Variants in PTPRK observed in about 807,000 individuals in gnomAD.
PTPRK encodes the protein receptor-type tyrosine-protein phosphatase kappa.
A neutral mutation model predicts 178.0 loss-of-function variants in PTPRK; 75 were observed. The observed-to-expected ratio is 0.42, with a 90% CI of 0.35 to 0.51. PTPRK has a LOEUF of 0.51. PTPRK is among the 20% of genes least tolerant of loss of function. The probability of loss-of-function intolerance (pLI) is 0.02; values close to 1 mark genes in which losing one functional copy is unlikely to be tolerated. For missense variants in PTPRK, 1,441 were observed against 1,797.8 expected, an observed-to-expected ratio of 0.80 and a Z score of 3.59; for synonymous variants, 637 against 620.6, an observed-to-expected ratio of 1.03 and a Z score of -0.39.
At chr6:128,301,071 T>C (rs555190887) in intron 3 of PTPRK, among the ~76,000 whole-genome samples, 1 of 152,154 alleles carries the variant, frequency 6.6e-6, no homozygotes, top group Admixed American at 6.6e-5. Flanking sequence ...TGACCCATTG[T>C]TACATTTTAA....
At chr6:128,223,291 TTAAG>T (rs1326337647) in intron 5 of PTPRK, among the ~76,000 whole-genome samples, 1 of 151,992 alleles carries the variant, frequency 6.6e-6, no homozygotes, top group Non-Finnish European at 1.5e-5. Flanking sequence ...TAGGCTTTTA[TTAAG>T]TTATAATAAA....
intron 1 of PTPRK, among the ~76,000 whole-genome samples, chr6:128,473,617 A>G (rs1203367377): frequency 1.3e-5 from 2 of 152,114 alleles, no homozygotes; most frequent in Non-Finnish European, 2.9e-5. Flanking sequence ...TCAGATGTTC[A>G]GAAATATTAA....
intron 7 of PTPRK, among the ~76,000 whole-genome samples, chr6:128,103,197 C>T (rs1789084871): frequency 6.6e-6 from 1 of 152,058 alleles, no homozygotes; most frequent in Non-Finnish European, 1.5e-5. Flanking sequence ...AGGAGATCAG[C>T]CGTGAAACAG....
intron 3 of PTPRK, among the ~76,000 whole-genome samples, chr6:128,264,370 A>G (rs972386811): frequency 4.6e-5 from 7 of 152,228 alleles, no homozygotes; most frequent in African/African-American, 1.4e-4. Context: ...GCATTTTGCC[A>G]TCATATATTT....
At chr6:128,386,563 T>C (rs1038924790) in intron 2 of PTPRK, among the ~76,000 whole-genome samples, 1 of 152,200 alleles carries the variant, frequency 6.6e-6, no homozygotes, top group Non-Finnish European at 1.5e-5. Flanking sequence ...AGTTGGTTCC[T>C]AAGCTTCTGA....
chr6:128,149,282 C>T (rs528339170), intron 7 of PTPRK, among the ~76,000 whole-genome samples: 6 of 151,138 alleles, frequency 4.0e-5, no homozygotes, highest in African/African-American at 1.5e-4. Context: ...TGCACATGTA[C>T]CCTAGAACTT....
intron 22 of PTPRK, among the ~76,000 whole-genome samples, chr6:127,983,873 G>A (rs1345572112): frequency 6.6e-6 from 1 of 152,066 alleles, no homozygotes; most frequent in Non-Finnish European, 1.5e-5. Flanking sequence ...CGGGAAATCT[G>A]AGGAGCCACG....
chr6:128,483,195 T>A (rs926611512), intron 1 of PTPRK, among the ~76,000 whole-genome samples: 2 of 152,154 alleles, frequency 1.3e-5, no homozygotes, highest in Admixed American at 6.5e-5. Flanking sequence ...TTTCTACAAC[T>A]TTTTTTATCC....
Position 128,354,229 on chromosome 6 carries a change from A to ATTTTTTTTTTTTTTT in PTPRK, c.224-31920_224-31919insAAAAAAAAAAAAAAA, listed in dbSNP as rs1201996929. 1.4e-4 allele frequency among the ~76,000 whole-genome samples: 4 copies of ATTTTTTTTTTTTTTT among 27,744 alleles called. 1 individual carries two copies. Among genetic ancestry groups the ATTTTTTTTTTTTTTT allele is most frequent in the African/African-American group, 2.3e-4 (2 of 8,722 alleles). The allele number at this position is 27,744 out of a possible 152,430, so 18.2% of individuals were successfully genotyped here. On this transcript the variant is annotated intron_variant, in intron 2 of 29. Transcript: ENST00000368226. ...TTACATGTATTTTGGTTTTTTGTTTATGTTTTTTTTTTTTTTTTTTTTTTT... is the reference window on the plus strand; with the variant it reads ...TTACATGTATTTTGGTTTTTTGTTTATTTTTTTTTTTTTTTTGTTTTTTTTTTTTTTTTTTTTTTT...
chr6:128,087,061 G>T (rs1040964847), intron 8 of PTPRK, among the ~76,000 whole-genome samples: 1 of 151,900 alleles, frequency 6.6e-6, no homozygotes, highest in African/African-American at 2.4e-5. Context: ...ATCAATGTAG[G>T]GCATAATTTA....
At chr6:128,186,557 T>A (rs1802798305) in intron 6 of PTPRK, among the ~76,000 whole-genome samples, 2 of 152,142 alleles carry the variant, frequency 1.3e-5, no homozygotes, top group Non-Finnish European at 2.9e-5. Flanking sequence ...CAATATGTAG[T>A]CAAAATTGCA....
intron 1 of PTPRK, among the ~76,000 whole-genome samples, chr6:128,399,899 C>A (rs1840798545): frequency 6.6e-6 from 1 of 152,174 alleles, no homozygotes. Context: ...TCTTGAAAAT[C>A]ATTACTGGTC....
At chr6:128,300,075 C>T (rs1045807187) in intron 3 of PTPRK, among the ~76,000 whole-genome samples, 5 of 152,162 alleles carry the variant, frequency 3.3e-5, no homozygotes, top group African/African-American at 1.2e-4. Flanking sequence ...CATGAACAGA[C>T]ACTTCTCAAA....
intron 3 of PTPRK, among the ~76,000 whole-genome samples, chr6:128,288,787 T>C (rs936076419): frequency 6.6e-6 from 1 of 152,180 alleles, no homozygotes; most frequent in African/African-American, 2.4e-5. Flanking sequence ...ACATTAAGTA[T>C]ATGTTATATA....
intron 3 of PTPRK, among the ~76,000 whole-genome samples, chr6:128,291,484 G>A (rs1003297472): frequency 6.6e-6 from 1 of 152,090 alleles, no homozygotes; most frequent in Admixed American, 6.6e-5. Flanking sequence ...TATAAGTTAC[G>A]TGTCCAAGAT....
intron 13 of PTPRK, among the ~76,000 whole-genome samples, chr6:128,059,266 T>C (rs1214185361): frequency 1.3e-5 from 2 of 152,274 alleles, no homozygotes; most frequent in East Asian, 3.9e-4. Flanking sequence ...TTCTAATCCA[T>C]GAACATGGTG....
At chr6:128,243,853 T>C (rs910175087) in intron 3 of PTPRK, among the ~76,000 whole-genome samples, 6 of 152,152 alleles carry the variant, frequency 3.9e-5, no homozygotes, top group Non-Finnish European at 8.8e-5. Context: ...TGAAAGTTGA[T>C]GTTTAAAGTA....
chr6:128,338,227 G>A (rs1210110518), intron 2 of PTPRK, among the ~76,000 whole-genome samples: 1 of 152,116 alleles, frequency 6.6e-6, no homozygotes, highest in African/African-American at 2.4e-5. Flanking sequence ...TAGTAGCTGT[G>A]GCAGTCAATA....
intron 3 of PTPRK, among the ~76,000 whole-genome samples, chr6:128,254,094 AC>A (rs957481797): frequency 1.3e-5 from 2 of 152,152 alleles, no homozygotes; most frequent in African/African-American, 4.8e-5. Context: ...AGTATTGTGA[AC>A]TTTCCCTACT....
Sources: gnomAD v4.1 joint callset for allele counts (sites outside exome capture counted in the v4.1 genomes callset) on GRCh38, gnomAD v4.1.1 for gene constraint, MANE v1.5 for transcripts, NCBI Gene and HGNC (gene_info 2026-07-23, HGNC 2026-07-21) for gene names.